The following GTF2F1 variants were observed in gnomAD, a reference collection of about 807,000 sequenced individuals.
GTF2F1 encodes the protein general transcription factor IIF subunit 1, also known as general transcription factor IIF 74 kDa subunit.
GTF2F1 carries 39 observed loss-of-function variants against 63.5 expected under a neutral mutation model. The ratio of observed to expected loss-of-function variants is 0.61; its 90% confidence interval spans 0.48 to 0.80. The LOEUF is 0.80. Ranked by LOEUF, GTF2F1 falls within the 30% of genes least tolerant of loss-of-function variation. The pLI is 0.00. For synonymous variants in GTF2F1, 287 were observed against 285.3 expected, an observed-to-expected ratio of 1.01 and a Z score of -0.06; for missense variants, 657 against 718.3, an observed-to-expected ratio of 0.91 and a Z score of 0.97.
Position 6,380,737 on chromosome 19 carries a change from C to T in GTF2F1, c.1232-47G>A, listed in dbSNP as rs1248943536. The T allele has an allele frequency of 6.9e-6, 11 of 1,589,046 alleles. No individual in the cohort carries two copies. Among genetic ancestry groups the T allele is most frequent in the East Asian group, 2.2e-5 (1 of 44,762 alleles). On this transcript the variant is annotated intron_variant, in intron 11 of 12. Transcript: ENST00000394456. This position sits in a 1 kb window ranked among gnomAD's most constrained non-coding sequence, Gnocchi z 5.3. ...TGAGTCTTGCAGGCAGGAGGCAGAA[C>T]CCCTGGGCAGGACCCCAGGCTGGGC... is the stretch of plus-strand genomic sequence containing the variant.
intron 5 of GTF2F1, chr19:6,387,136 C>T (rs1355702846): frequency 6.2e-6 from 3 of 480,784 alleles, no homozygotes; most frequent in Non-Finnish European, 1.1e-5. Context: ...GGCAGTTAGA[C>T]CCCACCCTGC....
chr19:6,392,118 C>T (rs1205812815), intron 2 of GTF2F1, 144 bp from the exon 3 acceptor site: 1 of 678,778 alleles, frequency 1.5e-6, no homozygotes, highest in African/African-American at 1.8e-5. Context: ...AATTCAATCA[C>T]TCAATTCAAT....
chr19:6,383,194 G>A lies in GTF2F1; in HGVS notation c.682+117C>T. On this transcript the variant is annotated intron_variant, in intron 6 of 12. Transcript: ENST00000394456. This position sits in a 1 kb window ranked among gnomAD's most constrained non-coding sequence, Gnocchi z 4.5. ...TGGGATGACAGGCGTGAGCCACTGTGCCCGGCCCCACTTGCCTCTCATTCT... is the reference window on the plus strand; with the variant it reads ...TGGGATGACAGGCGTGAGCCACTGTACCCGGCCCCACTTGCCTCTCATTCT... 9.2e-7 allele frequency: 1 copy of A among 1,084,150 alleles called. No homozygotes were observed. The allele number at this position is 1,084,150 out of a possible 1,614,324, so 67.2% of individuals were successfully genotyped here. A position where few individuals can be genotyped will look rare whatever the true frequency, so the allele number is the denominator to read the frequency against.
In GTF2F1 at chr19:6,380,340, G is replaced by A; in HGVS notation, c.1495C>T (p.Arg499Ter). 6.2e-7 allele frequency: 1 copy of A among 1,614,078 alleles called. No individual in the cohort carries two copies. Among genetic ancestry groups the A allele is most frequent in the Non-Finnish European group, 8.5e-7 (1 of 1,179,998 alleles). The change falls in exon 13 of 13, where the codon CGA (arginine) becomes TGA (stop). Residue 499 changes from arginine (R) to a stop codon, truncating the protein, a stop_gained. Transcript: ENST00000394456. LOFTEE classifies it high-confidence loss of function. This position sits in a 1 kb window ranked among gnomAD's most constrained non-coding sequence, Gnocchi z 5.3. The part of the protein sequence containing the change: ...TVNVLAQILK[R>*]LNPERKMIND... ...ATCATCTTGCGCTCGGGGTTGAGTC[G>A]CTTGAGGATCTGGGCCAACACGTTC...
chr19:6,385,183 C>G (rs8113383), intron 5 of GTF2F1, among the ~76,000 whole-genome samples: 1,762 of 151,868 alleles, frequency 0.012, 36 homozygotes, highest in African/African-American at 0.041. Context: ...TCACTTGAGG[C>G]CAGGAGTTGG....
Position 6,393,125 on chromosome 19 carries a change from C to A in GTF2F1, c.-130G>T, listed in dbSNP as rs1172731569. The A allele has an allele frequency of 2.5e-6, 3 of 1,201,924 alleles. No individual in the cohort carries two copies. Among genetic ancestry groups the A allele is most frequent in the South Asian group, 1.3e-5 (1 of 79,208 alleles). 74.5% of individuals were successfully genotyped at this position (1,201,924 alleles called of 1,614,324 possible). ...TCTGTGCCTGAGCGAGGACCCCAAC[C>A]CTAGGCGCCTCTGGCGCTGGGAAAA... is the stretch of plus-strand genomic sequence containing the variant. On this transcript the variant is annotated 5_prime_UTR_variant, in exon 1 of 13. Transcript: ENST00000394456.
rs371175259 is a variant in GTF2F1, at chr19:6,381,385, G to A, written c.992C>T (p.Thr331Ile). ...KEEEEEKKAP[T>I]PQEKKRRKDS... ...TTTCCTGCGCTTCTTCTCCTGCGGGGTGGGTGCCTTCTTCTCCTCCTCCTC... is the reference window on the plus strand; with the variant it reads ...TTTCCTGCGCTTCTTCTCCTGCGGGATGGGTGCCTTCTTCTCCTCCTCCTC... The change falls in exon 9 of 13, where the codon ACC becomes ATC. Residue 331 changes from threonine (T) to isoleucine (I), a missense_variant. Around this residue, in one of 2 missense-constraint regions of GTF2F1, gnomAD observed 602 missense variants for 625.6 expected, o/e 0.96. Coordinates refer to ENST00000394456, the MANE Select transcript of GTF2F1 (RefSeq NM_002096.3). This position sits in a 1 kb window ranked among gnomAD's most constrained non-coding sequence, Gnocchi z 4.1. 7.5e-6 allele frequency: 12 copies of A among 1,609,564 alleles called. No homozygotes were observed. The highest frequency in any genetic ancestry group is 1.0e-5 in the Non-Finnish European group (12 of 1,178,482).
chr19:6,392,707 G>C (rs967609346), intron 2 of GTF2F1, 150 bp downstream of exon 2: 3 of 770,562 alleles, frequency 3.9e-6, no homozygotes, highest in Non-Finnish European at 2.3e-6. Context: ...CCCCAGAGAA[G>C]CCTCAGCTTA....
chr19:6,388,221 C>T (rs1306626763), intron 4 of GTF2F1, among the ~76,000 whole-genome samples: 1 of 152,166 alleles, frequency 6.6e-6, no homozygotes, highest in Non-Finnish European at 1.5e-5. Context: ...TGAGCCACCG[C>T]GCCCAGCCAT....
chr19:6,381,910 A>G lies in GTF2F1; in HGVS notation c.683-60T>C. 1 of 1,421,564 alleles carries G rather than the reference A, an allele frequency of 7.0e-7. No homozygotes were observed. The highest frequency in any genetic ancestry group is 9.8e-7 in the Non-Finnish European group (1 of 1,025,140). 88.1% of individuals were successfully genotyped at this position (1,421,564 alleles called of 1,614,324 possible). A position where few individuals can be genotyped will look rare whatever the true frequency, so the allele number is the denominator to read the frequency against. On this transcript the variant is annotated intron_variant, in intron 6 of 12. Coordinates refer to ENST00000394456, the MANE Select transcript of GTF2F1 (RefSeq NM_002096.3). The surrounding 1 kb of genome is among the most constrained non-coding windows in gnomAD (Gnocchi z 4.1). ...GTGAGGAGGAAGGCAGTGGGTATTT[A>G]TTGTGTTTTTCACATTTTGTGCAGT...
Position 6,381,134 on chromosome 19 carries a change from G to A in GTF2F1, c.1080C>T (p.Ala360=), listed in dbSNP as rs73563879. 1.0e-4 allele frequency: 169 copies of A among 1,612,020 alleles called. No homozygotes were observed. The African/African-American group carries it at 1.9e-3, about 18-fold the overall frequency. The change falls in exon 10 of 13, where the codon GCC becomes GCT. Residue 360 remains alanine (A), a synonymous_variant. Transcript: ENST00000394456. The surrounding 1 kb of genome is among the most constrained non-coding windows in gnomAD (Gnocchi z 4.1). The part of the protein sequence containing the change: ...ESDIDSEASS[A]LFMAKKKTPP... ...GGCTGGGCCTTACCGCCATGAAGAG[G>A]GCTGAGGAGGCCTCGCTGTCAATGT...
At position 6,383,574 on chromosome 19, in the gene GTF2F1, G is replaced by A. The variant is rs936265928; in HGVS notation, c.498-79C>T. 2.0e-6 allele frequency: 3 copies of A among 1,476,006 alleles called. No individual in the cohort carries two copies. Among genetic ancestry groups the A allele is most frequent in the Non-Finnish European group, 2.8e-6 (3 of 1,073,852 alleles). 91.4% of individuals were successfully genotyped at this position (1,476,006 alleles called of 1,614,324 possible). On this transcript the variant is annotated intron_variant, in intron 5 of 12. Transcript: ENST00000394456. This position sits in a 1 kb window ranked among gnomAD's most constrained non-coding sequence, Gnocchi z 4.5. ...GTGCTTGCAGGGGGCGAGCCCCAGGGCACCACCCACATAGCCTTCAAGGTG... is the reference window on the plus strand; with the variant it reads ...GTGCTTGCAGGGGGCGAGCCCCAGGACACCACCCACATAGCCTTCAAGGTG...
intron 5 of GTF2F1, chr19:6,386,740 G>A (rs2091975547): frequency 6.6e-6 from 1 of 152,326 alleles, no homozygotes; most frequent in Non-Finnish European, 1.5e-5. Flanking sequence ...ACCACACCCA[G>A]CCGAAAAAGG....
At chr19:6,382,830 G>GGCTCA (rs1435211523) in intron 6 of GTF2F1, among the ~76,000 whole-genome samples, 1 of 150,454 alleles carries the variant, frequency 6.6e-6, no homozygotes, top group Non-Finnish European at 1.5e-5. Context: ...GAAGGGCCAT[G>GGCTCA]GCTCAGCTCT....
rs1427220160 is a variant in GTF2F1, at chr19:6,393,140, C to G, written c.-145G>C. 5 of 1,068,812 alleles carry G rather than the reference C, an allele frequency of 4.7e-6. No homozygotes were observed. The allele number at this position is 1,068,812 out of a possible 1,614,324, so 66.2% of individuals were successfully genotyped here. A position where few individuals can be genotyped will look rare whatever the true frequency, so the allele number is the denominator to read the frequency against. On this transcript the variant is annotated 5_prime_UTR_variant, in exon 1 of 13. Coordinates refer to ENST00000394456, the MANE Select transcript of GTF2F1 (RefSeq NM_002096.3). The stretch of plus-strand genomic sequence containing the variant: ...GGACCCCAACCCTAGGCGCCTCTGG[C>G]GCTGGGAAAAGGTAACCGGAAGAGG...
rs927130951 is a variant in GTF2F1, at chr19:6,379,621, C to T, written c.*660G>A. 1.3e-5 allele frequency: 2 copies of T among 152,584 alleles called. No homozygotes were observed. The highest frequency in any genetic ancestry group is 4.8e-5 in the African/African-American group (2 of 41,356). 9.5% of individuals were successfully genotyped at this position (152,584 alleles called of 1,614,324 possible). On this transcript the variant is annotated 3_prime_UTR_variant, in exon 13 of 13. Transcript: ENST00000394456. ...AGACAGAGTCTCACTGTCACCCAGG[C>T]TGGAGTGCAGTGGCGTGGTGTCAGC...
chr19:6,387,647 TTGC>T, intron 4 of GTF2F1, 88 bp from the exon 5 acceptor site: 1 of 996,262 alleles, frequency 1.0e-6, no homozygotes. Context: ...TTTATGGCAC[TTGC>T]CATAGGAGGA....
Position 6,380,767 on chromosome 19 carries a change from C to T in GTF2F1, c.1232-77G>A. ...GGGCAGGACCCCAGGCTGGGCAGTG[C>T]CAGGATTAGGGTTCAAGGGGATCAG... On this transcript the variant is annotated intron_variant, in intron 11 of 12. Transcript: ENST00000394456. This position sits in a 1 kb window ranked among gnomAD's most constrained non-coding sequence, Gnocchi z 5.3. 1 of 1,561,178 alleles carries T rather than the reference C, an allele frequency of 6.4e-7. No homozygotes were observed.
At position 6,383,233 on chromosome 19, in the gene GTF2F1, G is replaced by C; in HGVS notation, c.682+78C>G. 1 of 1,458,162 alleles carries C rather than the reference G, an allele frequency of 6.9e-7. No homozygotes were observed. Among genetic ancestry groups the C allele is most frequent in the Non-Finnish European group, 9.5e-7 (1 of 1,055,740 alleles). 90.3% of individuals were successfully genotyped at this position (1,458,162 alleles called of 1,614,324 possible). On this transcript the variant is annotated intron_variant, in intron 6 of 12. Coordinates refer to ENST00000394456, the MANE Select transcript of GTF2F1 (RefSeq NM_002096.3). This position sits in a 1 kb window ranked among gnomAD's most constrained non-coding sequence, Gnocchi z 4.5. ...GCCTCTCATTCTAGGGCCACTGTGA[G>C]CGATGGTAGACTTTGCCTTCACTGG...
Sources: allele counts gnomAD v4.1 joint callset (sites outside exome capture counted in the v4.1 genomes callset), GRCh38; gene constraint gnomAD v4.1.1; regional missense constraint gnomAD v4.1.1; non-coding constraint Gnocchi (gnomAD v3.1); transcripts MANE v1.5; gene names NCBI Gene and HGNC (gene_info 2026-07-23, HGNC 2026-07-21).